PTH2R: variants seen among roughly 807,000 people sequenced by gnomAD.
PTH2R encodes the protein parathyroid hormone 2 receptor.
PTH2R carries 59 observed loss-of-function variants against 60.3 expected under a neutral mutation model. The ratio of observed to expected loss-of-function variants is 0.98; its 90% confidence interval spans 0.79 to 1.22. PTH2R has a LOEUF of 1.22. PTH2R is among the 50% of genes most tolerant of loss of function. The pLI is 0.00. For missense variants in PTH2R, 749 were observed against 682.6 expected (o/e 1.10, Z -1.08); for synonymous variants, 256 against 243.8 (o/e 1.05, Z -0.47).
chr2:208,440,118 G>C (rs1702152852), intron 4 of PTH2R, among the ~76,000 whole-genome samples: 1 of 152,146 alleles, frequency 6.6e-6, no homozygotes, highest in African/African-American at 2.4e-5. Context: ...AATAGGCAAT[G>C]CTTCACAGAA....
rs753738029 is a variant in PTH2R at position 208,428,355 on chromosome 2, A to G, written c.178+52A>G. 8 of 1,297,610 alleles carry G rather than the reference A, an allele frequency of 6.2e-6. No individual in the cohort carries two copies. The East Asian group carries it at 1.9e-4, about 31-fold the overall frequency. The allele number at this position is 1,297,610 out of a possible 1,614,324, so 80.4% of individuals were successfully genotyped here. A position where few individuals can be genotyped will look rare whatever the true frequency, so the allele number is the denominator to read the frequency against. On this transcript the variant is annotated intron_variant, in intron 2 of 12. Transcript: ENST00000272847. ...CCTTGTGCCTCCTATCTGTTCTTATAAAGATTGCACATTTCCCTCCTTCTT... is the reference window on the plus strand; with the variant it reads ...CCTTGTGCCTCCTATCTGTTCTTATGAAGATTGCACATTTCCCTCCTTCTT...
chr2:208,366,290 A>C (rs1700592346), intron 1 of PTH2R, among the ~76,000 whole-genome samples: 1 of 151,842 alleles, frequency 6.6e-6, no homozygotes, highest in Admixed American at 6.6e-5. Context: ...TGTTTCTAGA[A>C]ATTTATCCAT....
In PTH2R at chr2:208,443,359, G is replaced by A. The variant is rs774742460; in HGVS notation, c.521G>A (p.Cys174Tyr). The A allele has an allele frequency of 6.3e-7, 1 of 1,583,066 alleles. No individual in the cohort carries two copies. Residue 174 changes from cysteine (C) to tyrosine (Y), a missense_variant, in exon 6 of 13, where the codon TGC (cysteine) becomes TAC (tyrosine). By Grantham distance (194) the Cys-to-Tyr change is radical. Transcript: ENST00000272847. ...ATTTCTCTCCGTAGACGATTGCATTGCACTAGGAACTATATCCACATGCAC... is the reference window on the plus strand; with the variant it reads ...ATTTCTCTCCGTAGACGATTGCATTACACTAGGAACTATATCCACATGCAC... Reference protein sequence around the residue: ...LIIGYFRRLHCTRNYIHMHLF... With the variant: ...LIIGYFRRLHYTRNYIHMHLF...
chr2:208,492,559 A>C (rs908037921), intron 12 of PTH2R, among the ~76,000 whole-genome samples: 1 of 152,186 alleles, frequency 6.6e-6, no homozygotes, highest in African/African-American at 2.4e-5. Context: ...ATCTTCCCAC[A>C]GAGACTGGGA....
At chr2:208,376,736 A>G (rs56834217) in intron 1 of PTH2R, among the ~76,000 whole-genome samples, 2,594 of 152,158 alleles carry the variant, frequency 0.017, 84 homozygotes, top group African/African-American at 0.06. Context: ...TGTTGAGCAC[A>G]TGCCTTGGAC....
At chr2:208,439,633 A>C (rs1362608030) in intron 4 of PTH2R, among the ~76,000 whole-genome samples, 1 of 152,058 alleles carries the variant, frequency 6.6e-6, no homozygotes. Flanking sequence ...AAATTTTTAT[A>C]TAATTGGCTT....
intron 7 of PTH2R, among the ~76,000 whole-genome samples, chr2:208,445,970 G>T (rs1044427880): frequency 6.6e-6 from 1 of 151,972 alleles, no homozygotes; most frequent in African/African-American, 2.4e-5. Flanking sequence ...GCTTTTTTAG[G>T]ATCCTTTGGA....
At chr2:208,383,332 C>A (rs942542779) in intron 1 of PTH2R, among the ~76,000 whole-genome samples, 1 of 152,096 alleles carries the variant, frequency 6.6e-6, no homozygotes, top group Non-Finnish European at 1.5e-5. Context: ...TATCTCGTGT[C>A]TCTGCTCAAG....
At chr2:208,387,711 A>G (rs1354143078) in intron 1 of PTH2R, among the ~76,000 whole-genome samples, 3 of 152,246 alleles carry the variant, frequency 2.0e-5, no homozygotes, top group African/African-American at 7.2e-5. Context: ...TCATACTAGT[A>G]TAGCTAGAGG....
At chr2:208,460,886 C>T (rs1702620375) in intron 9 of PTH2R, among the ~76,000 whole-genome samples, 1 of 151,932 alleles carries the variant, frequency 6.6e-6, no homozygotes, top group South Asian at 2.1e-4. Context: ...TCTTTGTTTC[C>T]CAGTTTCATA....
chr2:208,464,856 C>T (rs1056431414), intron 9 of PTH2R, among the ~76,000 whole-genome samples: 6 of 152,150 alleles, frequency 3.9e-5, no homozygotes, highest in African/African-American at 1.4e-4. Flanking sequence ...TTCTTTTTCC[C>T]ATAATGACTG....
At chr2:208,404,818 TC>T (rs1169580548), upstream of PTH2R, among the ~76,000 whole-genome samples, 3 of 151,986 alleles carry the variant, frequency 2.0e-5, no homozygotes, top group Non-Finnish European at 4.4e-5. Flanking sequence ...CTTCCTGAGT[TC>T]CAGTGAGAAA....
chr2:208,443,942 A>G (rs989605544), intron 6 of PTH2R, among the ~76,000 whole-genome samples: 6 of 152,200 alleles, frequency 3.9e-5, no homozygotes, highest in Non-Finnish European at 5.9e-5. Context: ...TTCCAATATA[A>G]AATTTTATGT....
chr2:208,368,069 T>C (rs1700627731), intron 1 of PTH2R, among the ~76,000 whole-genome samples: 1 of 152,226 alleles, frequency 6.6e-6, no homozygotes. Flanking sequence ...ATATTGCCAA[T>C]GGATTCCCAA....
At chr2:208,437,450 T>C (rs1250286505) in intron 2 of PTH2R, 87 bp from the exon 3 acceptor site, 9 of 1,069,000 alleles carry the variant, frequency 8.4e-6, no homozygotes, top group Non-Finnish European at 1.2e-5. Flanking sequence ...GACAATGACC[T>C]AAAATTTTGT....
chr2:208,422,753 TC>T (rs1701781978), intron 1 of PTH2R, among the ~76,000 whole-genome samples: 2 of 151,890 alleles, frequency 1.3e-5, no homozygotes, highest in African/African-American at 4.8e-5. Context: ...TTTACCCAGT[TC>T]CCCCCTTATC....
chr2:208,378,506 T>C (rs1357579435), intron 1 of PTH2R, among the ~76,000 whole-genome samples: 1 of 151,984 alleles, frequency 6.6e-6, no homozygotes, highest in African/African-American at 2.4e-5. Flanking sequence ...CTCAGAGTGG[T>C]GGTATTAGGA....
At chr2:208,368,229 A>G (rs1036824426) in intron 1 of PTH2R, among the ~76,000 whole-genome samples, 5 of 152,130 alleles carry the variant, frequency 3.3e-5, no homozygotes, top group Non-Finnish European at 5.9e-5. Context: ...TTTTTTACCT[A>G]TATTACTGTG....
intron 9 of PTH2R, among the ~76,000 whole-genome samples, chr2:208,471,821 A>G (rs1409261117): frequency 6.6e-6 from 1 of 152,214 alleles, no homozygotes; most frequent in Admixed American, 6.5e-5. Flanking sequence ...GCAGACACTC[A>G]ATGCCAGCTT....
Sources: gnomAD v4.1 joint callset for allele counts (sites outside exome capture counted in the v4.1 genomes callset) on GRCh38, gnomAD v4.1.1 for gene constraint, MANE v1.5 for transcripts, NCBI Gene and HGNC (gene_info 2026-07-23, HGNC 2026-07-21) for gene names.